The following KDM4B variants were observed in gnomAD, a reference collection of about 807,000 sequenced individuals.
KDM4B encodes the protein lysine-specific demethylase 4B.
In KDM4B, 32 loss-of-function variants were observed where a neutral mutation model predicts 125.2. The observed-to-expected ratio is 0.26, with a 90% confidence interval of 0.19 to 0.34. The LOEUF is 0.34. KDM4B is among the 10% of genes least tolerant of loss of function. The pLI is 1.00. For synonymous variants in KDM4B, 721 were observed against 677.9 expected (o/e 1.06, Z -0.99); for missense variants, 1,190 against 1,577.7 (o/e 0.75, Z 4.16).
chr19:5,069,436 AGTAGCT>A (rs1162604262), intron 6 of KDM4B, among the ~76,000 whole-genome samples: 7 of 151,408 alleles, frequency 4.6e-5, no homozygotes, highest in African/African-American at 1.5e-4. Context: ...CAGCCACCTG[AGTAGCT>A]GGGATTACAG....
At chr19:5,120,615 A>ACTCC (rs2039343355) in intron 11 of KDM4B, among the ~76,000 whole-genome samples, 1 of 152,030 alleles carries the variant, frequency 6.6e-6, no homozygotes, top group Admixed American at 6.5e-5. Flanking sequence ...TGGCTGTGGA[A>ACTCC]CTCCCACCTG....
At chr19:5,092,040 G>C (rs945919338) in intron 9 of KDM4B, among the ~76,000 whole-genome samples, 1 of 152,224 alleles carries the variant, frequency 6.6e-6, no homozygotes. Context: ...ACGCAGAAGC[G>C]TGGGGAGAAT....
chr19:5,085,057 G>T (rs1487896644), intron 9 of KDM4B, among the ~76,000 whole-genome samples: 1 of 152,142 alleles, frequency 6.6e-6, no homozygotes, highest in Non-Finnish European at 1.5e-5. Flanking sequence ...GGCAGCATAG[G>T]TGGCCTGTGT....
chr19:5,061,358 T>G (rs2145777125), intron 6 of KDM4B, among the ~76,000 whole-genome samples: 1 of 152,324 alleles, frequency 6.6e-6, no homozygotes, highest in East Asian at 1.9e-4. Flanking sequence ...AGATACCAAA[T>G]TCCATCATCT....
chr19:4,985,765 C>T (rs1018464966), intron 1 of KDM4B, among the ~76,000 whole-genome samples: 1 of 152,228 alleles, frequency 6.6e-6, no homozygotes, highest in African/African-American at 2.4e-5. Context: ...AGCGTTGGGC[C>T]AGGACCGCTC....
intron 9 of KDM4B, among the ~76,000 whole-genome samples, chr19:5,088,719 A>G (rs1288055385): frequency 8.4e-6 from 1 of 118,784 alleles, no homozygotes; most frequent in East Asian, 3.0e-4. Context: ...TGACAGTGGG[A>G]GATTTTGACA....
chr19:5,003,573 G>A (rs2035460128), intron 1 of KDM4B, among the ~76,000 whole-genome samples: 1 of 152,008 alleles, frequency 6.6e-6, no homozygotes, highest in Admixed American at 6.6e-5. Flanking sequence ...CTTTGGGAGG[G>A]TGAGGTGGGT....
Position 4,997,486 on chromosome 19 carries a change from G to C in KDM4B, c.-108-18771G>C, listed in dbSNP as rs1433898920. On this transcript the variant is annotated intron_variant, in intron 1 of 22. Transcript: ENST00000159111. The surrounding 1 kb of genome is among the most constrained non-coding windows in gnomAD (Gnocchi z 4.2). ...ATGTCCACCCCAGCCGGCTGGGCCT[G>C]CGTACCCAGTGGGTGGCGCTCAGGT... Among the ~76,000 whole-genome samples, 2 of 152,146 alleles carry C rather than the reference G, an allele frequency of 1.3e-5. No individual in the cohort carries two copies. The highest frequency in any genetic ancestry group is 2.9e-5 in the Non-Finnish European group (2 of 68,016).
At chr19:5,042,202 C>G (rs911630353) in intron 5 of KDM4B, among the ~76,000 whole-genome samples, 1 of 152,174 alleles carries the variant, frequency 6.6e-6, no homozygotes, top group Non-Finnish European at 1.5e-5. Flanking sequence ...TCTTGCACTG[C>G]TATAAAGAAA....
chr19:5,151,603 C>A lies in KDM4B; in HGVS notation c.*92C>A. On this transcript the variant is annotated 3_prime_UTR_variant, in exon 23 of 23. Transcript: ENST00000159111. ...TGCTGTGAATTCCTGTCCTCGTGTC[C>A]CCGACCCCCGAGAGGCCACCTCCAA... The A allele has an allele frequency of 8.7e-7, 1 of 1,144,106 alleles. No individual in the cohort carries two copies. Among genetic ancestry groups the A allele is most frequent in the Non-Finnish European group, 1.1e-6 (1 of 901,190 alleles). The allele number at this position is 1,144,106 out of a possible 1,614,324, so 70.9% of individuals were successfully genotyped here.
intron 9 of KDM4B, among the ~76,000 whole-genome samples, chr19:5,099,338 G>A (rs764803954): frequency 9.2e-5 from 14 of 152,198 alleles, no homozygotes; most frequent in Non-Finnish European, 1.5e-4. Flanking sequence ...GAGACAAGAC[G>A]GTGGATCCCT....
intron 1 of KDM4B, among the ~76,000 whole-genome samples, chr19:4,986,135 C>T (rs2034822775): frequency 6.6e-6 from 1 of 152,224 alleles, no homozygotes. Context: ...CCTGGTCTGA[C>T]CTGCCGTGGG....
intron 9 of KDM4B, among the ~76,000 whole-genome samples, chr19:5,103,832 C>T (rs1321619839): frequency 6.6e-6 from 1 of 152,256 alleles, no homozygotes; most frequent in Non-Finnish European, 1.5e-5. Context: ...TCGCTCCACA[C>T]CCTGTTCACT....
intron 6 of KDM4B, among the ~76,000 whole-genome samples, chr19:5,057,045 TGTGTGTGTGTGTGTGTGTGTGC>T (rs890428035): frequency 2.1e-5 from 3 of 139,668 alleles, no homozygotes; most frequent in African/African-American, 8.8e-5. Flanking sequence ...TGTGTGTGTG[TGTGTGTGTGTGTGTGTGTGTGC>T]GCGCGCGCGC....
Position 5,063,369 on chromosome 19 carries a change from T to G in KDM4B, c.627-7641T>G, listed in dbSNP as rs570629086. On this transcript the variant is annotated intron_variant, in intron 6 of 22. Coordinates refer to ENST00000159111, the MANE Select transcript of KDM4B (RefSeq NM_015015.3). The stretch of plus-strand genomic sequence containing the variant: ...CCATTTGTTCATTTATTCATCCATT[T>G]GGAAAATATGCCGGATTCAGAAAAC... 5.8e-4 allele frequency among the ~76,000 whole-genome samples: 88 copies of G among 152,336 alleles called. 2 individuals are homozygous for G. The South Asian group carries it at 0.018, about 31-fold the overall frequency.
intron 1 of KDM4B, among the ~76,000 whole-genome samples, chr19:4,993,458 T>C (rs1363778683): frequency 6.6e-6 from 1 of 152,188 alleles, no homozygotes; most frequent in East Asian, 1.9e-4. Flanking sequence ...CCAGCTATTG[T>C]TGAATTACTT....
intron 11 of KDM4B, among the ~76,000 whole-genome samples, chr19:5,129,197 G>A (rs1381063257): frequency 6.6e-6 from 1 of 152,206 alleles, no homozygotes; most frequent in Non-Finnish European, 1.5e-5. Flanking sequence ...GGAGCAGGGA[G>A]GGCAGGGCCG....
chr19:5,132,042 C>A (rs762249657), intron 13 of KDM4B, 35 bp downstream of exon 13: 1 of 1,563,150 alleles, frequency 6.4e-7, no homozygotes, highest in South Asian at 1.2e-5. Flanking sequence ...CTCTCATCAG[C>A]CCTGCTCCGC....
At chr19:5,036,451 C>T (rs1302691056) in intron 3 of KDM4B, among the ~76,000 whole-genome samples, 1 of 152,200 alleles carries the variant, frequency 6.6e-6, no homozygotes, top group African/African-American at 2.4e-5. Flanking sequence ...ACTTGGGAAG[C>T]ACTGAGGTGA....
Sources: gnomAD v4.1 joint callset for allele counts (sites outside exome capture counted in the v4.1 genomes callset) on GRCh38, gnomAD v4.1.1 for gene constraint, Gnocchi (gnomAD v3.1) non-coding constraint, MANE v1.5 for transcripts, NCBI Gene and HGNC (gene_info 2026-07-23, HGNC 2026-07-21) for gene names.